Variants in PCGF3 observed in about 807,000 individuals in gnomAD.
PCGF3 encodes the protein polycomb group RING finger protein 3.
In PCGF3, 7 loss-of-function variants were observed where a neutral mutation model predicts 33.1. That is an observed-to-expected ratio of 0.21 (90% CI 0.12 to 0.40). The LOEUF (loss-of-function observed/expected upper bound fraction) is 0.40, where lower values mean the gene tolerates loss of function less well. PCGF3 is among the 10% of genes least tolerant of loss of function. The probability of loss-of-function intolerance (pLI) is 1.00; values close to 1 mark genes in which losing one functional copy is unlikely to be tolerated. For synonymous variants in PCGF3, 153 were observed against 121.3 expected (o/e 1.26, Z -1.72); for missense variants, 211 against 313.3 (o/e 0.67, Z 2.46).
chr4:742,740 G>A (rs1461297157), intron 6 of PCGF3, among the ~76,000 whole-genome samples: 6 of 152,178 alleles, frequency 3.9e-5, no homozygotes, highest in South Asian at 2.1e-4. Context: ...AGGATGCTGC[G>A]GCCCGTCTGC....
chr4:734,647 G>A, intron 4 of PCGF3: 1 of 1,272,266 alleles, frequency 7.9e-7, no homozygotes, highest in Non-Finnish European at 9.9e-7. Flanking sequence ...CCACAGCTCT[G>A]TCACCTTTGA....
At chr4:726,797 A>G (rs1743350239) in intron 1 of PCGF3, among the ~76,000 whole-genome samples, 1 of 152,174 alleles carries the variant, frequency 6.6e-6, no homozygotes, top group Admixed American at 6.5e-5. Context: ...GATACACACT[A>G]AAATTCACCA....
chr4:723,629 C>A, intron 1 of PCGF3: 1 of 153,168 alleles, frequency 6.5e-6, no homozygotes, highest in Non-Finnish European at 1.5e-5. Flanking sequence ...GGGTCCTCAC[C>A]CCCAGGTGAG....
intron 9 of PCGF3, among the ~76,000 whole-genome samples, chr4:764,303 T>G (rs1745236927): frequency 6.6e-6 from 1 of 152,320 alleles, no homozygotes; most frequent in Admixed American, 6.5e-5. Context: ...TCTAATTTTT[T>G]TAAAAGACTG....
At chr4:725,698 C>T (rs1393257366) in intron 1 of PCGF3, among the ~76,000 whole-genome samples, 2 of 151,340 alleles carry the variant, frequency 1.3e-5, no homozygotes, top group African/African-American at 4.9e-5. Context: ...GTGTGGGCTG[C>T]CGAGGGCTGC....
intron 1 of PCGF3, among the ~76,000 whole-genome samples, chr4:718,791 G>A (rs1169562252): frequency 6.6e-6 from 1 of 152,202 alleles, no homozygotes; most frequent in African/African-American, 2.4e-5. Flanking sequence ...CACGGTAGGG[G>A]CTGGGCCATG....
chr4:733,911 G>A lies in PCGF3; in HGVS notation c.109+122G>A, dbSNP rs775182839. ...CAAGCCCGACAAAAGCAGGAACCAG[G>A]ACCAGGGGCAGAGACGATCTTGAAG... is the stretch of plus-strand genomic sequence containing the variant. On this transcript the variant is annotated intron_variant, in intron 4 of 10. Transcript: ENST00000362003. 16 of 1,576,996 alleles carry A rather than the reference G, an allele frequency of 1.0e-5. No homozygotes were observed. In the South Asian group the frequency reaches 1.7e-4, roughly 17 times the overall value.
chr4:739,718 C>T (rs998586615), intron 6 of PCGF3, among the ~76,000 whole-genome samples: 4 of 152,240 alleles, frequency 2.6e-5, no homozygotes, highest in East Asian at 1.9e-4. Context: ...TCCGTTCCAT[C>T]GCTCGTCTCC....
intron 8 of PCGF3, among the ~76,000 whole-genome samples, chr4:747,713 G>C (rs560462740): frequency 3.3e-5 from 5 of 151,836 alleles, no homozygotes; most frequent in African/African-American, 1.2e-4. Flanking sequence ...GCAGGTGGGC[G>C]GGGCCCCGGG....
intron 1 of PCGF3, among the ~76,000 whole-genome samples, chr4:722,833 C>T (rs1384648807): frequency 2.6e-5 from 2 of 77,608 alleles, no homozygotes; most frequent in African/African-American, 6.6e-5. Context: ...TCGCCATCCA[C>T]GCCGGGTCCA....
exon 11 of PCGF3, chr4:766,487 T>C (rs767851864): frequency 6.2e-6 from 1 of 160,022 alleles, no homozygotes; most frequent in Non-Finnish European, 1.4e-5. Context: ...TGGACTTTTA[T>C]TGAATCCTTC....
chr4:765,432 CAA>C (rs33972537), intron 10 of PCGF3, among the ~76,000 whole-genome samples: 47,263 of 139,382 alleles, frequency 0.34, 8,558 homozygotes, highest in African/African-American at 0.53. Flanking sequence ...GACTCTGTCT[CAA>C]AAAAAAAAAA....
intron 6 of PCGF3, among the ~76,000 whole-genome samples, chr4:742,303 G>A (rs1028475257): frequency 6.6e-6 from 1 of 152,150 alleles, no homozygotes; most frequent in Non-Finnish European, 1.5e-5. Context: ...GTTGCCTCAC[G>A]CGGGCATTGG....
At position 766,210 on chromosome 4, in the gene PCGF3, A is replaced by T. The variant is rs953483949; in HGVS notation, c.*131A>T. 17 of 683,158 alleles carry T rather than the reference A, an allele frequency of 2.5e-5. No homozygotes were observed. In the African/African-American group the frequency reaches 2.9e-4, roughly 12 times the overall value. The allele number at this position is 683,158 out of a possible 1,614,324, so 42.3% of individuals were successfully genotyped here. A position where few individuals can be genotyped will look rare whatever the true frequency, so the allele number is the denominator to read the frequency against. ...AATAGAGAATATTTATAACTTTTGT[A>T]TGAGAGAGAATTCACACTCAACAAG... On this transcript the variant is annotated 3_prime_UTR_variant, in exon 11 of 11. Transcript: ENST00000362003.
chr4:719,625 G>C (rs937773998), intron 1 of PCGF3, among the ~76,000 whole-genome samples: 4 of 152,282 alleles, frequency 2.6e-5, no homozygotes, highest in Non-Finnish European at 5.9e-5. Context: ...TAAGGAGGTG[G>C]AGAAGGGATG....
At chr4:758,397 C>G (rs1577441524) in intron 8 of PCGF3, among the ~76,000 whole-genome samples, 1 of 146,664 alleles carries the variant, frequency 6.8e-6, no homozygotes, top group African/African-American at 2.6e-5. Context: ...TCTTCTCCTT[C>G]CGGACTCCGG....
chr4:767,290 T>A (rs1745424502), exon 11 of PCGF3: 1 of 152,172 alleles, frequency 6.6e-6, no homozygotes, highest in African/African-American at 2.4e-5. Flanking sequence ...TTTGTCACAT[T>A]AGAGAATAAA....
At chr4:732,724 G>A (rs1459925057) in intron 3 of PCGF3, among the ~76,000 whole-genome samples, 2 of 152,202 alleles carry the variant, frequency 1.3e-5, no homozygotes, top group East Asian at 1.9e-4. Context: ...AGCAGTTTGG[G>A]TCGCGGCTTT....
At chr4:765,122 C>T (rs887141464) in intron 10 of PCGF3, 58 bp downstream of exon 10, 3 of 1,181,658 alleles carry the variant, frequency 2.5e-6, no homozygotes, top group Non-Finnish European at 2.5e-6. Flanking sequence ...CTTTGCTGTG[C>T]ATCTCTTATC....
Sources: gnomAD v4.1 joint callset for allele counts (sites outside exome capture counted in the v4.1 genomes callset) on GRCh38, gnomAD v4.1.1 for gene constraint, MANE v1.5 for transcripts, NCBI Gene and HGNC (gene_info 2026-07-23, HGNC 2026-07-21) for gene names.